AHCTF1: variants seen among roughly 807,000 people sequenced by gnomAD.
The protein encoded by AHCTF1 is protein ELYS.
In AHCTF1, 24 loss-of-function variants were observed where a neutral mutation model predicts 248.4. The observed-to-expected ratio is 0.10, with a 90% CI of 0.07 to 0.14. AHCTF1 has a LOEUF of 0.14. Among genes scored for constraint, AHCTF1 ranks in the 10% least tolerant of loss-of-function variants. AHCTF1 has a pLI of 1.00. For synonymous variants in AHCTF1, 786 were observed against 929.8 expected, an observed-to-expected ratio of 0.85 and a Z score of 2.81; for missense variants, 2,206 against 2,636.2, an observed-to-expected ratio of 0.84 and a Z score of 3.57.
At chr1:246,912,538 C>T (rs1665886173) in intron 4 of AHCTF1, among the ~76,000 whole-genome samples, 1 of 150,914 alleles carries the variant, frequency 6.6e-6, no homozygotes, top group African/African-American at 2.4e-5. Flanking sequence ...AAAATTTTTT[C>T]GGGTCAAATA....
In AHCTF1 at chr1:246,888,521, C is replaced by G; in HGVS notation, c.2145-4G>C. 1 of 1,613,008 alleles carries G rather than the reference C, an allele frequency of 6.2e-7. No individual in the cohort carries two copies. The highest frequency in any genetic ancestry group is 8.5e-7 in the Non-Finnish European group (1 of 1,179,660). On this transcript the variant is annotated splice_region_variant and splice_polypyrimidine_tract_variant and intron_variant, in intron 17 of 35. Transcript: ENST00000648844. ...GCAATCGGGATTCCACTTCCCTCTG[C>G]AATCAGGGAAAAATTAAGACTTATT...
rs1371459210 is a variant in AHCTF1 at position 246,862,171 on chromosome 1, T to G, written c.3541-18A>C. ...TTAGCTTTCTATAGTAAAGAGCAAA[T>G]GGAATTACACCATTAAAAGTGCTTA... On this transcript the variant is annotated intron_variant, in intron 27 of 35. Coordinates refer to ENST00000648844, the MANE Select transcript of AHCTF1 (RefSeq NM_001323342.2). The G allele has an allele frequency of 1.4e-5, 22 of 1,599,340 alleles. No homozygotes were observed. The highest frequency in any genetic ancestry group is 1.7e-5 in the Non-Finnish European group (20 of 1,172,292).
chr1:246,877,112 C>T (rs1442677987), intron 22 of AHCTF1, 31 bp from the exon 23 acceptor site: 1 of 1,612,122 alleles, frequency 6.2e-7, no homozygotes, highest in South Asian at 1.1e-5. Flanking sequence ...TGTAAACTAC[C>T]AATTTATCTT....
intron 35 of AHCTF1, among the ~76,000 whole-genome samples, chr1:246,841,219 G>C (rs1157240286): frequency 6.6e-6 from 1 of 152,132 alleles, no homozygotes; most frequent in Admixed American, 6.5e-5. Flanking sequence ...TTTTCGATCA[G>C]AATATTTACA....
chr1:246,849,723 G>C lies in AHCTF1; in HGVS notation c.6283C>G (p.Arg2095Gly), dbSNP rs745520896. Residue 2095 changes from arginine (R) to glycine (G), a missense_variant, in exon 33 of 36, where the codon CGC (arginine) becomes GGC (glycine). By Grantham distance (125) the Arg-to-Gly change is moderately radical (BLOSUM62 -2). Around this residue, in one of 6 missense-constraint regions of AHCTF1, gnomAD observed 469 missense variants for 470.0 expected, o/e 1.00. Coordinates refer to ENST00000648844, the MANE Select transcript of AHCTF1 (RefSeq NM_001323342.2). ...LATASFTKSS[R>G]SSRTRSSKAI... is the part of the protein sequence containing the mutation. ...TTGCTAGACCGAGTCCTGCTGCTGC[G>C]GGATGATTTAGTGAAGGAAGCTGTG... 7.4e-6 allele frequency: 12 copies of C among 1,613,828 alleles called. No individual in the cohort carries two copies. The African/African-American group carries it at 1.1e-4, about 14-fold the overall frequency.
intron 24 of AHCTF1, among the ~76,000 whole-genome samples, chr1:246,871,032 C>A (rs1201264045): frequency 6.6e-6 from 1 of 152,122 alleles, no homozygotes; most frequent in Non-Finnish European, 1.5e-5. Flanking sequence ...GCTTAAGTTG[C>A]CAAACCTTTT....
At chr1:246,898,161 T>C (rs1209189485) in intron 12 of AHCTF1, 47 bp downstream of exon 12, 4 of 1,606,260 alleles carry the variant, frequency 2.5e-6, no homozygotes, top group South Asian at 1.1e-5. Flanking sequence ...AGAAAGCTAA[T>C]AACGTGATCC....
chr1:246,842,095 C>T (rs1372749310), intron 35 of AHCTF1, among the ~76,000 whole-genome samples: 1 of 151,956 alleles, frequency 6.6e-6, no homozygotes, highest in Non-Finnish European at 1.5e-5. Flanking sequence ...GCCCGACCTC[C>T]CATGTTCCTT....
intron 21 of AHCTF1, among the ~76,000 whole-genome samples, chr1:246,882,233 G>A (rs536654879): frequency 2.0e-5 from 3 of 151,574 alleles, no homozygotes; most frequent in South Asian, 2.1e-4. Flanking sequence ...TCCTGACCTC[G>A]TGATCCACCC....
chr1:246,846,863 C>A (rs956001650), intron 33 of AHCTF1, among the ~76,000 whole-genome samples: 3 of 151,954 alleles, frequency 2.0e-5, no homozygotes, highest in African/African-American at 7.3e-5. Flanking sequence ...GCCATCCTCA[C>A]ACCTCAGCCT....
At chr1:246,876,680 T>C (rs1484131315) in intron 23 of AHCTF1, among the ~76,000 whole-genome samples, 1 of 152,202 alleles carries the variant, frequency 6.6e-6, no homozygotes, top group Admixed American at 6.5e-5. Flanking sequence ...ATGTAACTCC[T>C]ACTGCTGGCC....
At chr1:246,879,864 A>C (rs1338581793) in intron 21 of AHCTF1, among the ~76,000 whole-genome samples, 1 of 152,186 alleles carries the variant, frequency 6.6e-6, no homozygotes. Flanking sequence ...AACTAATTTA[A>C]AATAAAATGG....
chr1:246,904,448 A>G (rs924985343), intron 6 of AHCTF1, among the ~76,000 whole-genome samples: 6 of 152,218 alleles, frequency 3.9e-5, no homozygotes, highest in Non-Finnish European at 8.8e-5. Context: ...ATTATCCCAT[A>G]GTAACCTCAC....
intron 16 of AHCTF1, 68 bp from the exon 17 acceptor site, chr1:246,890,127 AT>A (rs1664120944): frequency 2.7e-6 from 3 of 1,117,574 alleles, no homozygotes; most frequent in African/African-American, 3.2e-5. Context: ...ACATATTAAT[AT>A]TTTACTGTAA....
At chr1:246,895,030 A>G (rs749148447) in intron 13 of AHCTF1, among the ~76,000 whole-genome samples, 3 of 137,076 alleles carry the variant, frequency 2.2e-5, no homozygotes, top group Admixed American at 7.1e-5. Flanking sequence ...AATTCCTTTA[A>G]AAAAAAAAAG....
chr1:246,924,311 C>A (rs1355936295), intron 1 of AHCTF1, among the ~76,000 whole-genome samples: 1 of 152,110 alleles, frequency 6.6e-6, no homozygotes, highest in Non-Finnish European at 1.5e-5. Flanking sequence ...GCATTTCATA[C>A]AATAATCTCT....
At position 246,891,858 on chromosome 1, in the gene AHCTF1, C is replaced by T. The variant is rs942059699; in HGVS notation, c.1866G>A (p.Gln622=). The change falls in exon 15 of 36, where the codon CAG becomes CAA. Residue 622 remains glutamine, a synonymous_variant. Transcript: ENST00000648844. ...GATTGCTAAGAAGCAAATAGCATTG[C>T]TGGATAGACTGTATAGTTTGTGGAT... The part of the protein sequence containing the change: ...FMDPQTIQSI[Q]QCYLLLSNLN... 1.2e-6 allele frequency: 2 copies of T among 1,602,276 alleles called. No individual in the cohort carries two copies. The highest frequency in any genetic ancestry group is 1.7e-6 in the Non-Finnish European group (2 of 1,176,374).
rs774900170 is a variant in AHCTF1 at position 246,861,036 on chromosome 1, T to C, written c.3995A>G (p.Glu1332Gly). The C allele has an allele frequency of 6.2e-7, 1 of 1,613,988 alleles. No homozygotes were observed. The highest frequency in any genetic ancestry group is 1.7e-5 in the Admixed American group (1 of 60,018). ...GGGCTTAGAGGCCGTGAAAACAGTC[T>C]CTTCAAGGTCTTCCGGTGACGGTGC... ...QDAPSPEDLE[E>G]TVFTASKPKS... Residue 1332 changes from glutamate to glycine, a missense_variant, in exon 29 of 36, where the codon GAG (glutamate) becomes GGG (glycine). Around this residue, in one of 6 missense-constraint regions of AHCTF1, gnomAD observed 955 missense variants for 1,055.6 expected, o/e 0.90. Transcript: ENST00000648844.
chr1:246,910,923 A>G (rs1011115784), intron 4 of AHCTF1, among the ~76,000 whole-genome samples: 1 of 152,222 alleles, frequency 6.6e-6, no homozygotes, highest in Non-Finnish European at 1.5e-5. Flanking sequence ...CTGCAGAACA[A>G]TATTTATGCT....
Sources: allele counts gnomAD v4.1 joint callset (sites outside exome capture counted in the v4.1 genomes callset), GRCh38; gene constraint gnomAD v4.1.1; regional missense constraint gnomAD v4.1.1; transcripts MANE v1.5; gene names NCBI Gene and HGNC (gene_info 2026-07-23, HGNC 2026-07-21).